RPTOR: variants seen among roughly 807,000 people sequenced by gnomAD.
RPTOR encodes the protein regulatory-associated protein of mTOR.
RPTOR carries 21 observed loss-of-function variants against 169.9 expected under a neutral mutation model. The ratio of observed to expected loss-of-function variants is 0.12; its 90% CI spans 0.09 to 0.18. The LOEUF is 0.18. RPTOR is among the 10% of genes least tolerant of loss of function. The pLI is 1.00. For missense variants in RPTOR, 1,133 were observed against 1,855.9 expected (o/e 0.61, Z 7.16); for synonymous variants, 732 against 753.2 (o/e 0.97, Z 0.46).
rs545018457 is a variant in RPTOR at position 80,959,964 on chromosome 17, G to A, written c.3478-114G>A. 140 of 1,334,128 alleles carry A rather than the reference G, an allele frequency of 1.0e-4. No individual in the cohort carries two copies. Among genetic ancestry groups the A allele is most frequent in the Non-Finnish European group, 1.4e-4 (133 of 955,934 alleles). 82.6% of individuals were successfully genotyped at this position (1,334,128 alleles called of 1,614,324 possible). On this transcript the variant is annotated intron_variant, in intron 29 of 33. Coordinates refer to ENST00000306801, the MANE Select transcript of RPTOR (RefSeq NM_020761.3). This position sits in a 1 kb window ranked among gnomAD's most constrained non-coding sequence, Gnocchi z 6.7. ...TAGAGAGAAAGGCCCCTGCAGCCAGGGAGGGTGATCCCCACAGCCAGGCAG... is the reference window on the plus strand; with the variant it reads ...TAGAGAGAAAGGCCCCTGCAGCCAGAGAGGGTGATCCCCACAGCCAGGCAG...
At chr17:80,858,652 G>A (rs1567952859) in intron 13 of RPTOR, among the ~76,000 whole-genome samples, 1 of 152,182 alleles carries the variant, frequency 6.6e-6, no homozygotes, top group Non-Finnish European at 1.5e-5. Context: ...GGGCTGAGAA[G>A]TCGTGTGGGC....
At chr17:80,839,296 G>C (rs1462900863) in intron 10 of RPTOR, among the ~76,000 whole-genome samples, 1 of 152,198 alleles carries the variant, frequency 6.6e-6, no homozygotes, top group East Asian at 1.9e-4. Flanking sequence ...ATAATCTTCT[G>C]TTACCCTCCC....
chr17:80,770,777 C>T (rs1466340696), intron 6 of RPTOR, among the ~76,000 whole-genome samples: 2 of 152,220 alleles, frequency 1.3e-5, no homozygotes, highest in Non-Finnish European at 2.9e-5. Flanking sequence ...TCCCCACCTT[C>T]CAATCCACAA....
chr17:80,632,787 T>G (rs2065451954), intron 2 of RPTOR, among the ~76,000 whole-genome samples: 1 of 152,122 alleles, frequency 6.6e-6, no homozygotes, highest in Non-Finnish European at 1.5e-5. Flanking sequence ...CCACTTTTAT[T>G]TTTTAGTTTA....
chr17:80,764,859 T>G (rs1423860092), intron 6 of RPTOR, among the ~76,000 whole-genome samples: 4 of 152,168 alleles, frequency 2.6e-5, no homozygotes, highest in Non-Finnish European at 5.9e-5. Context: ...CCATTCTAAC[T>G]GGTGTGAGAT....
chr17:80,915,188 C>A (rs982274237), intron 21 of RPTOR, among the ~76,000 whole-genome samples: 1 of 150,352 alleles, frequency 6.7e-6, no homozygotes, highest in South Asian at 2.1e-4. Context: ...TCGGGAAAAC[C>A]AGCTGCAGAG....
intron 9 of RPTOR, among the ~76,000 whole-genome samples, chr17:80,829,332 A>G (rs1285678088): frequency 1.3e-5 from 2 of 152,318 alleles, no homozygotes; most frequent in East Asian, 3.9e-4. Flanking sequence ...GGGCGCGGGC[A>G]TGGGTAGGGC....
In RPTOR at chr17:80,810,747, T is replaced by C. The variant is rs186965694; in HGVS notation, c.891-11454T>C. Reference sequence around the variant, plus strand: ...GAATTACCATCCTAGTAATATGGAGTCTTCTGACCCATGCACATAGTGGCT... The same window carrying C: ...GAATTACCATCCTAGTAATATGGAGCCTTCTGACCCATGCACATAGTGGCT... On this transcript the variant is annotated intron_variant, in intron 7 of 33. Transcript: ENST00000306801. Among the ~76,000 whole-genome samples the C allele has an allele frequency of 7.7e-4, 117 of 152,238 alleles. 2 individuals are homozygous for C. Among genetic ancestry groups the C allele is most frequent in the Admixed American group, 4.3e-3 (65 of 15,282 alleles).
At chr17:80,877,529 T>C (rs1368099277) in intron 13 of RPTOR, among the ~76,000 whole-genome samples, 1 of 152,180 alleles carries the variant, frequency 6.6e-6, no homozygotes, top group Non-Finnish European at 1.5e-5. Flanking sequence ...ATTAGTGAGA[T>C]TTGAGTCAGT....
chr17:80,551,012 C>T (rs940891550), intron 1 of RPTOR, among the ~76,000 whole-genome samples: 5 of 152,158 alleles, frequency 3.3e-5, no homozygotes, highest in African/African-American at 1.2e-4. Context: ...CTCAGTCTCC[C>T]GAGTAGCTGG....
At chr17:80,686,084 AG>A (rs1360702242) in intron 3 of RPTOR, among the ~76,000 whole-genome samples, 2 of 151,910 alleles carry the variant, frequency 1.3e-5, no homozygotes, top group African/African-American at 4.8e-5. Flanking sequence ...AAGGATTGGG[AG>A]GATGGGCCAT....
chr17:80,892,620 G>GCACAGGTAGCAGCTGCCGTCACCGAGTGT, intron 18 of RPTOR, 109 bp from the exon 19 acceptor site: 1 of 1,256,772 alleles, frequency 8.0e-7, no homozygotes, highest in Non-Finnish European at 1.1e-6. Context: ...ATTTGTTGCA[G>GCACAGGTAGCAGCTGCCGTCACCGAGTGT]CACAGGTAGC....
At chr17:80,687,573 C>A (rs34547024) in intron 3 of RPTOR, among the ~76,000 whole-genome samples, 3,048 of 152,244 alleles carry the variant, frequency 0.02, 106 homozygotes, top group African/African-American at 0.069. Flanking sequence ...CTGCTCTGCC[C>A]TTGGTGGGCA....
rs746902269 is a variant in RPTOR, at chr17:80,545,094, G to C, written c.-536G>C. The C allele has an allele frequency of 2.6e-5, 6 of 233,698 alleles. No individual in the cohort carries two copies. The South Asian group carries it at 7.2e-4, about 28-fold the overall frequency. 14.5% of individuals were successfully genotyped at this position (233,698 alleles called of 1,614,324 possible). ...AGCACGATGGGCCGGTCGTGGCTCT[G>C]GTTGCAGCAGCTCAGACGAGTGCGG... On this transcript the variant is annotated 5_prime_UTR_variant, in exon 1 of 34. Coordinates refer to ENST00000306801, the MANE Select transcript of RPTOR (RefSeq NM_020761.3).
At chr17:80,717,952 G>A (rs74002855) in intron 4 of RPTOR, among the ~76,000 whole-genome samples, 3,749 of 152,246 alleles carry the variant, frequency 0.025, 167 homozygotes, top group African/African-American at 0.086. Context: ...TCCACTACTC[G>A]AATACTCCCA....
At chr17:80,770,216 C>T (rs1236891576) in intron 6 of RPTOR, among the ~76,000 whole-genome samples, 1 of 152,178 alleles carries the variant, frequency 6.6e-6, no homozygotes, top group African/African-American at 2.4e-5. Context: ...CCAGCACCCC[C>T]GCCTTAAATA....
intron 3 of RPTOR, among the ~76,000 whole-genome samples, chr17:80,687,829 A>G (rs1464245751): frequency 6.6e-6 from 1 of 152,196 alleles, no homozygotes. Context: ...TGAGGCCGAC[A>G]GTGAGTTGTA....
At chr17:80,598,611 G>A (rs2065161516) in intron 1 of RPTOR, among the ~76,000 whole-genome samples, 1 of 152,222 alleles carries the variant, frequency 6.6e-6, no homozygotes, top group South Asian at 2.1e-4. Context: ...CTTTTGCGCA[G>A]GGTGGTTCTG....
chr17:80,832,963 C>A (rs144364204), intron 9 of RPTOR, among the ~76,000 whole-genome samples: 1 of 152,240 alleles, frequency 6.6e-6, no homozygotes, highest in African/African-American at 2.4e-5. Flanking sequence ...TGCTTCAGGC[C>A]GCGGCAGTAA....
Sources: allele counts gnomAD v4.1 joint callset (sites outside exome capture counted in the v4.1 genomes callset), GRCh38; gene constraint gnomAD v4.1.1; non-coding constraint Gnocchi (gnomAD v3.1); transcripts MANE v1.5; gene names NCBI Gene and HGNC (gene_info 2026-07-23, HGNC 2026-07-21).